The following RPH3A variants were observed in gnomAD, a reference collection of about 807,000 sequenced individuals.
RPH3A encodes rabphilin-3A.
In RPH3A, 48 loss-of-function variants were observed where a neutral mutation model predicts 102.2. That is an observed-to-expected ratio of 0.47 (90% CI 0.37 to 0.60). The LOEUF (loss-of-function observed/expected upper bound fraction) is 0.60. Among genes scored for constraint, RPH3A ranks in the 20% least tolerant of loss-of-function variants. RPH3A has a pLI of 0.00. For missense variants in RPH3A, 781 were observed against 910.1 expected (o/e 0.86, Z 1.83); for synonymous variants, 310 against 324.3 (o/e 0.96, Z 0.47).
intron 1 of RPH3A, among the ~76,000 whole-genome samples, chr12:112,591,302 T>C (rs1389959674): frequency 6.6e-6 from 1 of 151,994 alleles, no homozygotes; most frequent in South Asian, 2.1e-4. Context: ...CCCAGGCTGG[T>C]CTTGATCTCC....
chr12:112,635,642 C>T (rs576025803), intron 1 of RPH3A, among the ~76,000 whole-genome samples: 3 of 152,266 alleles, frequency 2.0e-5, no homozygotes, highest in Non-Finnish European at 4.4e-5. Context: ...TGTTATTGCT[C>T]CTAACTATCT....
upstream of RPH3A, chr12:112,791,228 C>A (rs1385688197): frequency 6.6e-6 from 1 of 152,180 alleles, no homozygotes; most frequent in Non-Finnish European, 1.5e-5. Context: ...GTCATCTGGG[C>A]GAAACTTTGA....
At chr12:112,845,019 A>G (rs1354072296) in intron 4 of RPH3A, among the ~76,000 whole-genome samples, 1 of 152,214 alleles carries the variant, frequency 6.6e-6, no homozygotes, top group Non-Finnish European at 1.5e-5. Flanking sequence ...TGTCCTCACA[A>G]CATGGCGGCT....
chr12:112,644,359 C>T (rs2039911703), intron 1 of RPH3A, among the ~76,000 whole-genome samples: 1 of 152,150 alleles, frequency 6.6e-6, no homozygotes, highest in African/African-American at 2.4e-5. Flanking sequence ...TTCAGTCCTG[C>T]TGGGGAACAC....
At chr12:112,777,067 G>A (rs960563181) in intron 1 of RPH3A, among the ~76,000 whole-genome samples, 3 of 152,090 alleles carry the variant, frequency 2.0e-5, no homozygotes, top group Admixed American at 2.0e-4. Context: ...GTTGCAAGGG[G>A]CATGGGTACA....
At chr12:112,732,106 G>T (rs568930470) in intron 1 of RPH3A, among the ~76,000 whole-genome samples, 2 of 152,136 alleles carry the variant, frequency 1.3e-5, no homozygotes, top group Admixed American at 6.5e-5. Context: ...GCAAACAAGC[G>T]TTTCTGGAGG....
intron 2 of RPH3A, among the ~76,000 whole-genome samples, chr12:112,827,933 C>G (rs1282451690): frequency 6.6e-6 from 1 of 151,992 alleles, no homozygotes; most frequent in Non-Finnish European, 1.5e-5. Context: ...AGGGATGACT[C>G]CACAACAACT....
At chr12:112,629,465 A>ATTTTT (rs11294395) in intron 1 of RPH3A, among the ~76,000 whole-genome samples, 2 of 84,034 alleles carry the variant, frequency 2.4e-5, no homozygotes, top group Non-Finnish European at 2.2e-5. Flanking sequence ...TGCACTTTGC[A>ATTTTT]TTTTTTTTTT....
intron 1 of RPH3A, among the ~76,000 whole-genome samples, chr12:112,668,147 A>C (rs12318009): frequency 0.013 from 2,034 of 152,250 alleles, 59 homozygotes; most frequent in African/African-American, 0.046. Context: ...CTTCATGGCC[A>C]AGCTGTAAGA....
intron 5 of RPH3A, among the ~76,000 whole-genome samples, chr12:112,859,969 T>A (rs2042480491): frequency 1.3e-5 from 2 of 152,124 alleles, no homozygotes; most frequent in Non-Finnish European, 2.9e-5. Flanking sequence ...GGCACTGGCG[T>A]TTTTCTTAAC....
chr12:112,808,744 C>A (rs2041515676), intron 2 of RPH3A, among the ~76,000 whole-genome samples: 1 of 152,172 alleles, frequency 6.6e-6, no homozygotes, highest in African/African-American at 2.4e-5. Flanking sequence ...ACTAGAAATG[C>A]AAATTCTTGG....
intron 1 of RPH3A, among the ~76,000 whole-genome samples, chr12:112,754,458 A>C (rs2040808010): frequency 6.6e-6 from 1 of 152,224 alleles, no homozygotes; most frequent in South Asian, 2.1e-4. Flanking sequence ...TGAACCATGA[A>C]CCAATGACAA....
At chr12:112,586,876 T>A (rs1478713177) in intron 1 of RPH3A, among the ~76,000 whole-genome samples, 1 of 152,210 alleles carries the variant, frequency 6.6e-6, no homozygotes, top group Non-Finnish European at 1.5e-5. Context: ...CAATACCATC[T>A]CCTATATATC....
chr12:112,851,564 A>G (rs1335364573), intron 5 of RPH3A, among the ~76,000 whole-genome samples: 1 of 152,184 alleles, frequency 6.6e-6, no homozygotes, highest in Non-Finnish European at 1.5e-5. Context: ...CAGGCTTACC[A>G]GGAAGCATTG....
At chr12:112,640,791 G>A (rs2039883933) in intron 1 of RPH3A, among the ~76,000 whole-genome samples, 1 of 152,172 alleles carries the variant, frequency 6.6e-6, no homozygotes, top group African/African-American at 2.4e-5. Flanking sequence ...AACATGACAA[G>A]TGAGAATCCT....
chr12:112,774,063 C>CAAAAAAAAAAAAAAAAAAAAAA (rs11375355), intron 1 of RPH3A, among the ~76,000 whole-genome samples: 92 of 108,178 alleles, frequency 8.5e-4, no homozygotes, highest in Non-Finnish European at 1.2e-3. Context: ...CCAGCCTGGG[C>CAAAAAAAAAAAAAAAAAAAAAA]AAAAAAAAAA....
chr12:112,731,188 GGTGT>G (rs3839972), intron 1 of RPH3A, among the ~76,000 whole-genome samples: 2 of 149,742 alleles, frequency 1.3e-5, no homozygotes, highest in Non-Finnish European at 3.0e-5. Flanking sequence ...TTCATTTGAT[GGTGT>G]GTGTGTGTGT....
At chr12:112,801,910 C>A (rs753397160) in intron 2 of RPH3A, among the ~76,000 whole-genome samples, 7 of 152,182 alleles carry the variant, frequency 4.6e-5, no homozygotes, top group Non-Finnish European at 1.0e-4. Flanking sequence ...CACTTCTTTT[C>A]CACTCAGCAG....
chr12:112,808,279 T>G (rs917461527), intron 2 of RPH3A, among the ~76,000 whole-genome samples: 1 of 152,244 alleles, frequency 6.6e-6, no homozygotes, highest in Non-Finnish European at 1.5e-5. Flanking sequence ...AAACCAGCTC[T>G]GCAGCCTGAT....
Sources: allele counts gnomAD v4.1 joint callset (sites outside exome capture counted in the v4.1 genomes callset), GRCh38; gene constraint gnomAD v4.1.1; transcripts MANE v1.5; gene names NCBI Gene and HGNC (gene_info 2026-07-23, HGNC 2026-07-21).